Variants in RIBC1 observed in about 807,000 individuals in gnomAD.
The protein encoded by RIBC1 is RIB43A domain with coiled-coils 1, also known as RIB43A-like with coiled-coils protein 1.
In RIBC1, 12 loss-of-function variants were observed where a neutral mutation model predicts 33.7. That is an observed-to-expected ratio of 0.36 (90% CI 0.23 to 0.58). RIBC1 has a LOEUF of 0.58. RIBC1 is among the 20% of genes least tolerant of loss of function. The pLI is 0.81. For synonymous variants in RIBC1, 89 were observed against 109.0 expected (o/e 0.82, Z 1.14); for missense variants, 242 against 311.6 (o/e 0.78, Z 1.68).
chrX:53,430,879 A>G (rs2075821279), intron 7 of RIBC1, 28 bp from the exon 8 acceptor site: 2 of 1,208,872 alleles, frequency 1.7e-6, no homozygotes, highest in Admixed American at 2.2e-5. Flanking sequence ...AAAGCATGTC[A>G]GCTGAGACCT....
rs782760749 is a variant in RIBC1 at position 53,425,515 on chromosome X, TAAAAAAAAA to T, written c.1-744_1-736del. On this transcript the variant is annotated intron_variant, in intron 2 of 7. Coordinates refer to ENST00000375327, the MANE Select transcript of RIBC1 (RefSeq NM_001031745.5). The stretch of plus-strand genomic sequence containing the variant: ...TTGACCAGAAAATAAGTAATAAAAG[TAAAAAAAAA>T]AAAAAAAAAAAAAAAAAGGGTGGGG... Among the ~76,000 whole-genome samples the T allele has an allele frequency of 2.5e-3, 64 of 25,876 alleles. 1 individual carries two copies. The highest frequency in any genetic ancestry group is 0.01 in the African/African-American group (63 of 6,199). The allele number at this position is 25,876 out of a possible 115,157, so 22.5% of individuals were successfully genotyped here. A position where few individuals can be genotyped will look rare whatever the true frequency, so the allele number is the denominator to read the frequency against.
chrX:53,429,882 C>T lies in RIBC1; in HGVS notation c.573C>T (p.Ala191=). ...CGCTCAGTAACCAGCTGCGCCTCGCCATGGATGCACAGGCCACCCATCTGG... is the reference window on the plus strand; with the variant it reads ...CGCTCAGTAACCAGCTGCGCCTCGCTATGGATGCACAGGCCACCCATCTGG... ...TDALSNQLRL[A]MDAQATHLAR... Residue 191 remains alanine, a synonymous_variant, in exon 6 of 8, where the codon GCC becomes GCT. Transcript: ENST00000375327. The T allele has an allele frequency of 3.3e-6, 4 of 1,205,184 alleles. No homozygotes were observed. The highest frequency in any genetic ancestry group is 3.4e-6 in the Non-Finnish European group (3 of 891,219).
intron 3 of RIBC1, among the ~76,000 whole-genome samples, chrX:53,427,112 T>C (rs1263109543): frequency 8.9e-6 from 1 of 112,571 alleles, no homozygotes; most frequent in Non-Finnish European, 1.9e-5. Context: ...GATTTTGAAA[T>C]GTGATAAATG....
chrX:53,428,289 G>C lies in RIBC1; in HGVS notation c.206G>C (p.Ser69Thr), dbSNP rs1556893555. 2.5e-6 allele frequency: 3 copies of C among 1,208,399 alleles called. No homozygotes were observed. In the African/African-American group the frequency reaches 5.3e-5, roughly 21 times the overall value. The stretch of plus-strand genomic sequence containing the variant: ...CCTTGCTCACCACCCCCAGGTACCA[G>C]CCAGGTGCAGTATGATGTGGTAGTC... ...ERSKEAAYGT[S>T]QVQYDVVVQM... Residue 69 changes from serine to threonine, a missense_variant, in exon 5 of 8, where the codon AGC (serine) becomes ACC (threonine). Coordinates refer to ENST00000375327, the MANE Select transcript of RIBC1 (RefSeq NM_001031745.5).
At position 53,426,350 on chromosome X, in the gene RIBC1, A is replaced by T; in HGVS notation, c.74A>T (p.Glu25Val). Residue 25 changes from glutamate (E) to valine (V), a missense_variant, in exon 3 of 8, where the codon GAG (glutamate) becomes GTG (valine). Glu to Val is a moderately radical substitution (Grantham distance 121). Coordinates refer to ENST00000375327, the MANE Select transcript of RIBC1 (RefSeq NM_001031745.5). ...AIEARRNREK[E>V]RQNRFFNVRN... is the part of the protein sequence containing the mutation. ...GAGGCTAGAAGAAATCGAGAAAAAG[A>T]GCGACAAAACCGATTCTTCAATGTG... The T allele has an allele frequency of 3.3e-6, 4 of 1,207,589 alleles. No homozygotes were observed. The highest frequency in any genetic ancestry group is 4.5e-6 in the Non-Finnish European group (4 of 892,684).
At chrX:53,426,452 A>T in intron 3 of RIBC1, 59 bp downstream of exon 3, 1 of 763,915 alleles carries the variant, frequency 1.3e-6, no homozygotes, top group Non-Finnish European at 2.0e-6. Context: ...TTACACCTGG[A>T]GAGGAATGTG....
At chrX:53,427,940 G>A in intron 3 of RIBC1, 63 bp from the exon 4 acceptor site, 1 of 925,959 alleles carries the variant, frequency 1.1e-6, no homozygotes, top group Non-Finnish European at 1.6e-6. Context: ...TTAGTTTGTG[G>A]TAGGACATTG....
chrX:53,427,388 G>T lies in RIBC1; in HGVS notation c.118-615G>T, dbSNP rs781830587. Among the ~76,000 whole-genome samples the T allele has an allele frequency of 4.0e-3, 443 of 112,135 alleles. 7 individuals carry two copies. The highest frequency in any genetic ancestry group is 0.023 in the Middle Eastern group (5 of 217). ...TGAAAACCAGTGCATAGTGCCTGCC[G>T]TAAGAAGTTGGCTAGGGTATTAGTG... On this transcript the variant is annotated intron_variant, in intron 3 of 7. Transcript: ENST00000375327.
chrX:53,428,779 C>T (rs1316575683), intron 5 of RIBC1, 152 bp downstream of exon 5: 1 of 1,099,973 alleles, frequency 9.1e-7, no homozygotes, highest in African/African-American at 1.9e-5. Flanking sequence ...AGACCCCAAC[C>T]TCCCTGACTT....
In RIBC1 at chrX:53,430,536, G is replaced by A. The variant is rs782421863; in HGVS notation, c.804G>A (p.Arg268=). 2 of 1,208,807 alleles carry A rather than the reference G, an allele frequency of 1.7e-6. No individual in the cohort carries two copies. Among genetic ancestry groups the A allele is most frequent in the Non-Finnish European group, 2.2e-6 (2 of 893,970 alleles). ...CCCAACACCCTATGGCTCCCTACCG[G>A]GTCCTGCCCTATTGCTGGAAGGGCA... ...QVAQHPMAPY[R]VLPYCWKGMT... Residue 268 remains arginine, a synonymous_variant, in exon 7 of 8, where the codon CGG becomes CGA. Transcript: ENST00000375327.
intron 3 of RIBC1, 144 bp downstream of exon 3, chrX:53,426,537 G>A (rs1244056785): frequency 6.4e-6 from 3 of 468,514 alleles, no homozygotes; most frequent in Non-Finnish European, 1.1e-5. Flanking sequence ...AGGGAGAGAA[G>A]GCACCCACCC....
chrX:53,424,017 T>A (rs1242066179), intron 2 of RIBC1, among the ~76,000 whole-genome samples: 1 of 110,987 alleles, frequency 9.0e-6, no homozygotes, highest in Non-Finnish European at 1.9e-5. Flanking sequence ...GAGGCTGTAG[T>A]GAGTGGTGTC....
chrX:53,429,685 A>G (rs927071881), intron 5 of RIBC1, 169 bp from the exon 6 acceptor site: 2 of 1,031,183 alleles, frequency 1.9e-6, no homozygotes, highest in Admixed American at 3.9e-5. Context: ...CGCTTGAGAA[A>G]TCGTTGTTGC....
rs782506580 is a variant in RIBC1, at chrX:53,428,834, A to G, written c.544+207A>G. The G allele has an allele frequency of 7.6e-5, 81 of 1,067,103 alleles. 1 individual carries two copies. Among genetic ancestry groups the G allele is most frequent in the Middle Eastern group, 7.4e-4 (2 of 2,687 alleles). 87.9% of individuals were successfully genotyped at this position (1,067,103 alleles called of 1,213,427 possible). On this transcript the variant is annotated intron_variant, in intron 5 of 7. Transcript: ENST00000375327. Reference sequence around the variant, plus strand: ...TAGCATTGTTCTTGATTAGTTTGGCACTCCATTACGTGGAGGCAGCACAGT... The same window carrying G: ...TAGCATTGTTCTTGATTAGTTTGGCGCTCCATTACGTGGAGGCAGCACAGT...
chrX:53,426,209 T>C (rs1426316665), intron 2 of RIBC1, 68 bp from the exon 3 acceptor site: 2 of 644,730 alleles, frequency 3.1e-6, no homozygotes, highest in Admixed American at 2.4e-5. Flanking sequence ...GAGAAAGGAA[T>C]GGGGGTGGCG....
At position 53,427,861 on chromosome X, in the gene RIBC1, G is replaced by A. The variant is rs782513955; in HGVS notation, c.118-142G>A. On this transcript the variant is annotated intron_variant, in intron 3 of 7. Transcript: ENST00000375327. ...GACCATGGAGAGGCTTACAAACCAT[G>A]CTCAGGAGCTAGAACTTTATCCAGT... 5 of 509,628 alleles carry A rather than the reference G, an allele frequency of 9.8e-6. No homozygotes were observed. In the Admixed American group the frequency reaches 1.5e-4, roughly 16 times the overall value. The allele number at this position is 509,628 out of a possible 1,213,427, so 42.0% of individuals were successfully genotyped here.
chrX:53,430,398 AGCT>A lies in RIBC1; in HGVS notation c.668_670del (p.Ala223del). The A allele has an allele frequency of 3.3e-6, 4 of 1,204,761 alleles. No individual in the cohort carries two copies. The highest frequency in any genetic ancestry group is 4.5e-6 in the Non-Finnish European group (4 of 890,385). On this transcript the variant is annotated inframe_deletion, in exon 7 of 8. Coordinates refer to ENST00000375327, the MANE Select transcript of RIBC1 (RefSeq NM_001031745.5). ...TTTGCATTTGGGGGCTCCACCAGGC[AGCT>A]GTGCAGGCTGGGCGTCAGCGCTGTG...
Position 53,430,696 on chromosome X carries a change from C to G in RIBC1, c.964C>G (p.Leu322Val). Reference protein sequence around the residue: ...SQTMSSAQAVLELEEQERELC... With the variant: ...SQTMSSAQAVVELEEQERELC... ...GACCATGAGCTCAGCCCAGGCAGTG[C>G]TGGAGCTAGAAGAGCAGGAGAGGGA... Residue 322 changes from leucine to valine, a missense_variant, in exon 7 of 8, where the codon CTG becomes GTG. Leu to Val is a conservative substitution (Grantham distance 32, BLOSUM62 1). Coordinates refer to ENST00000375327, the MANE Select transcript of RIBC1 (RefSeq NM_001031745.5). 8.3e-7 allele frequency: 1 copy of G among 1,204,837 alleles called. No homozygotes were observed. The highest frequency in any genetic ancestry group is 3.0e-5 in the East Asian group (1 of 33,727).
Position 53,426,406 on chromosome X carries a change from T to C in RIBC1, c.117+13T>C. ...CCGAGTCATGGGGGTGAGTGGGTAG[T>C]AGGGACTGTTGCTCAGGATCAGGGC... On this transcript the variant is annotated intron_variant, in intron 3 of 7. Transcript: ENST00000375327. 1 of 1,088,274 alleles carries C rather than the reference T, an allele frequency of 9.2e-7. No homozygotes were observed. The highest frequency in any genetic ancestry group is 1.3e-6 in the Non-Finnish European group (1 of 789,023). 89.7% of individuals were successfully genotyped at this position (1,088,274 alleles called of 1,213,427 possible). A position where few individuals can be genotyped will look rare whatever the true frequency, so the allele number is the denominator to read the frequency against.
Sources: allele counts gnomAD v4.1 joint callset (sites outside exome capture counted in the v4.1 genomes callset), GRCh38; gene constraint gnomAD v4.1.1; transcripts MANE v1.5; gene names NCBI Gene and HGNC (gene_info 2026-07-23, HGNC 2026-07-21).